The following DENND3 variants were observed in gnomAD, a reference collection of about 807,000 sequenced individuals.
DENND3 encodes the protein DENN domain containing 3.
DENND3 carries 88 observed loss-of-function variants against 135.1 expected under a neutral mutation model. The ratio of observed to expected loss-of-function variants is 0.65; its 90% confidence interval spans 0.55 to 0.78. The LOEUF (loss-of-function observed/expected upper bound fraction) is 0.78, where lower values mean the gene tolerates loss of function less well. Among genes scored for constraint, DENND3 ranks in the 30% least tolerant of loss-of-function variants. The pLI is 0.00. For synonymous variants in DENND3, 693 were observed against 712.3 expected, an observed-to-expected ratio of 0.97 and a Z score of 0.43; for missense variants, 1,392 against 1,688.4, an observed-to-expected ratio of 0.82 and a Z score of 3.08.
At chr8:141,171,509 A>G (rs1821554508) in intron 13 of DENND3, among the ~76,000 whole-genome samples, 1 of 152,194 alleles carries the variant, frequency 6.6e-6, no homozygotes, top group Non-Finnish European at 1.5e-5. Flanking sequence ...GAGCAGGAAC[A>G]GTTGTATTGG....
In DENND3 at chr8:141,167,990, C is replaced by T; in HGVS notation, c.1754-14C>T. ...TCTGTGCTAATGGTCTCCTTTTCCCCCTGAATGTTTTAGTTCTGAATGTCA... is the reference window on the plus strand; with the variant it reads ...TCTGTGCTAATGGTCTCCTTTTCCCTCTGAATGTTTTAGTTCTGAATGTCA... On this transcript the variant is annotated splice_polypyrimidine_tract_variant and intron_variant, in intron 12 of 22. Transcript: ENST00000519811. This position sits in a 1 kb window ranked among gnomAD's most constrained non-coding sequence, Gnocchi z 4.1. 2 of 1,598,068 alleles carry T rather than the reference C, an allele frequency of 1.3e-6. No individual in the cohort carries two copies. Among genetic ancestry groups the T allele is most frequent in the Non-Finnish European group, 1.7e-6 (2 of 1,169,910 alleles).
chr8:141,157,460 G>T, intron 8 of DENND3: 1 of 985,600 alleles, frequency 1.0e-6, no homozygotes, highest in Non-Finnish European at 1.2e-6. Flanking sequence ...GGGTCCAACT[G>T]CAGCCAGGCC....
intron 13 of DENND3, among the ~76,000 whole-genome samples, chr8:141,169,261 CA>C (rs1487605565): frequency 6.6e-6 from 1 of 152,262 alleles, no homozygotes; most frequent in African/African-American, 2.4e-5. Context: ...GTGGTCTTTA[CA>C]GTTGCCCTGG....
rs537443106 is a variant in DENND3 at position 141,190,269 on chromosome 8, G to A, written c.3246-15G>A. 2 of 1,573,962 alleles carry A rather than the reference G, an allele frequency of 1.3e-6. No homozygotes were observed. The highest frequency in any genetic ancestry group is 1.7e-6 in the Non-Finnish European group (2 of 1,157,816). On this transcript the variant is annotated splice_polypyrimidine_tract_variant and intron_variant, in intron 19 of 22. Coordinates refer to ENST00000519811, the MANE Select transcript of DENND3 (RefSeq NM_001352890.3). ...GCCCAAGTTAAAGGTGTGTGTGTGTGTTTTGTGCCCCCAGCAACGTGTACT... is the reference window on the plus strand; with the variant it reads ...GCCCAAGTTAAAGGTGTGTGTGTGTATTTTGTGCCCCCAGCAACGTGTACT...
intron 1 of DENND3, among the ~76,000 whole-genome samples, chr8:141,131,910 C>G (rs934577306): frequency 1.3e-5 from 2 of 151,880 alleles, no homozygotes; most frequent in Non-Finnish European, 2.9e-5. Context: ...TTCAGGGCAG[C>G]CACAACCTGT....
At position 141,184,936 on chromosome 8, in the gene DENND3, T is replaced by A. The variant is rs1589706475; in HGVS notation, c.2945-203T>A. 1.4e-5 allele frequency: 8 copies of A among 570,174 alleles called. No individual in the cohort carries two copies. In the East Asian group the frequency reaches 2.3e-4, roughly 16 times the overall value. 35.3% of individuals were successfully genotyped at this position (570,174 alleles called of 1,614,324 possible). Reference sequence around the variant, plus strand: ...GGCTCTGACCCTGTCTTTGTGGCCCTCTCACCAGCCAGCTGCCCCCCTTGA... The same window carrying A: ...GGCTCTGACCCTGTCTTTGTGGCCCACTCACCAGCCAGCTGCCCCCCTTGA... On this transcript the variant is annotated intron_variant, in intron 17 of 22. Coordinates refer to ENST00000519811, the MANE Select transcript of DENND3 (RefSeq NM_001352890.3).
chr8:141,193,914 T>C, intron 22 of DENND3, 119 bp from the exon 23 acceptor site: 1 of 1,171,230 alleles, frequency 8.5e-7, no homozygotes, highest in Non-Finnish European at 1.2e-6. Flanking sequence ...GCAGAGGCCC[T>C]GTCCAGGAAG....
At chr8:141,169,148 C>T (rs1294974562) in intron 13 of DENND3, among the ~76,000 whole-genome samples, 3 of 152,224 alleles carry the variant, frequency 2.0e-5, no homozygotes, top group Non-Finnish European at 4.4e-5. Flanking sequence ...CGTGAGCCAC[C>T]GCGCCTGACC....
At chr8:141,171,069 G>A (rs1230827192) in intron 13 of DENND3, among the ~76,000 whole-genome samples, 4 of 152,162 alleles carry the variant, frequency 2.6e-5, no homozygotes, top group Non-Finnish European at 5.9e-5. Flanking sequence ...TGCCATCAGT[G>A]GCCCTGTTGT....
rs565948972 is a variant in DENND3, at chr8:141,190,199, G to A, written c.3246-85G>A. On this transcript the variant is annotated intron_variant, in intron 19 of 22. Coordinates refer to ENST00000519811, the MANE Select transcript of DENND3 (RefSeq NM_001352890.3). Reference sequence around the variant, plus strand: ...TGTTGAGCACATTTTCTCTCATGGCGACTTGGTTCTCTCTTGGGTTAAAAT... The same window carrying A: ...TGTTGAGCACATTTTCTCTCATGGCAACTTGGTTCTCTCTTGGGTTAAAAT... 1.0e-4 allele frequency: 144 copies of A among 1,430,100 alleles called. 1 individual carries two copies. The highest frequency in any genetic ancestry group is 6.1e-4 in the East Asian group (23 of 37,802). The allele number at this position is 1,430,100 out of a possible 1,614,324, so 88.6% of individuals were successfully genotyped here.
At chr8:141,187,151 C>A (rs540648617) in intron 18 of DENND3, among the ~76,000 whole-genome samples, 1 of 152,156 alleles carries the variant, frequency 6.6e-6, no homozygotes, top group Non-Finnish European at 1.5e-5. Flanking sequence ...AATCCTCATG[C>A]CTTACTCCTT....
chr8:141,173,201 G>C lies in DENND3; in HGVS notation c.2276-1999G>C, dbSNP rs2154613274. Among the ~76,000 whole-genome samples, 2 of 152,406 alleles carry C rather than the reference G, an allele frequency of 1.3e-5. 1 individual carries two copies. Among genetic ancestry groups the C allele is most frequent in the Middle Eastern group, 6.8e-3 (2 of 294 alleles). On this transcript the variant is annotated intron_variant, in intron 13 of 22. Transcript: ENST00000519811. ...GGGGCTGCAGAGACCTGGCCTGACA[G>C]GCCCCGCCCACTGGGCCACAGCATC... is the stretch of plus-strand genomic sequence containing the variant.
intron 19 of DENND3, among the ~76,000 whole-genome samples, chr8:141,189,989 G>A (rs1026941066): frequency 3.3e-5 from 5 of 152,174 alleles, no homozygotes; most frequent in Non-Finnish European, 7.3e-5. Flanking sequence ...TTGAGCCTGC[G>A]GCCCGCGGTG....
At chr8:141,145,835 A>ATTT (rs1569555468) in intron 5 of DENND3, among the ~76,000 whole-genome samples, 3 of 29,948 alleles carry the variant, frequency 1.0e-4, no homozygotes, top group African/African-American at 9.9e-4. Flanking sequence ...ATATATATAT[A>ATTT]TATATATATA....
Position 141,195,527 on chromosome 8 carries a change from C to T in DENND3, c.*1294C>T, listed in dbSNP as rs1426361877. On this transcript the variant is annotated 3_prime_UTR_variant, in exon 23 of 23. Transcript: ENST00000519811. ...CCACACCACGGACCAGGTTTTCCCC[C>T]AAGGCTTGGCTTTGTGTAGCTACTA... is the stretch of plus-strand genomic sequence containing the variant. 6.6e-6 allele frequency: 1 copy of T among 152,236 alleles called. No homozygotes were observed. The highest frequency in any genetic ancestry group is 2.4e-5 in the African/African-American group (1 of 41,462). 9.4% of individuals were successfully genotyped at this position (152,236 alleles called of 1,614,324 possible). A position where few individuals can be genotyped will look rare whatever the true frequency, so the allele number is the denominator to read the frequency against.
chr8:141,173,414 G>T (rs1168083344), intron 13 of DENND3: 2 of 152,228 alleles, frequency 1.3e-5, no homozygotes, highest in Non-Finnish European at 2.9e-5. Context: ...CCTGCGCCGC[G>T]TGCTGAAGCC....
At chr8:141,189,575 G>A (rs902216110) in intron 19 of DENND3, among the ~76,000 whole-genome samples, 1 of 152,222 alleles carries the variant, frequency 6.6e-6, no homozygotes. Context: ...GGGGCATCCA[G>A]GGAGACGGGA....
At chr8:141,158,847 G>A (rs1819775419) in intron 8 of DENND3, among the ~76,000 whole-genome samples, 1 of 152,180 alleles carries the variant, frequency 6.6e-6, no homozygotes, top group Non-Finnish European at 1.5e-5. Flanking sequence ...CTGCGTGCTT[G>A]GGTGAGGGAG....
Position 141,142,120 on chromosome 8 carries a change from AATCAGAAAGAC to A in DENND3, c.623+800_623+810del, listed in dbSNP as rs66925322. ...CTGAGGACGTAAAGAACTTTTGAAA[AATCAGAAAGAC>A]ATCGTATAGAACCCAGTGGGCTCTC... is the stretch of plus-strand genomic sequence containing the variant. On this transcript the variant is annotated intron_variant, in intron 4 of 22. Coordinates refer to ENST00000519811, the MANE Select transcript of DENND3 (RefSeq NM_001352890.3). The A allele has an allele frequency of 7.8e-3, 2,376 of 304,338 alleles. 49 individuals carry two copies. The highest frequency in any genetic ancestry group is 0.05 in the African/African-American group (2,196 of 43,808). The allele number at this position is 304,338 out of a possible 1,614,324, so 18.9% of individuals were successfully genotyped here. A position where few individuals can be genotyped will look rare whatever the true frequency, so the allele number is the denominator to read the frequency against.
Sources: gnomAD v4.1 joint callset for allele counts (sites outside exome capture counted in the v4.1 genomes callset) on GRCh38, gnomAD v4.1.1 for gene constraint, Gnocchi (gnomAD v3.1) non-coding constraint, MANE v1.5 for transcripts, NCBI Gene and HGNC (gene_info 2026-07-23, HGNC 2026-07-21) for gene names.